The following DMAP1 variants were observed in gnomAD, a reference collection of about 807,000 sequenced individuals.
DMAP1 encodes the protein DNA methyltransferase 1-associated protein 1.
DMAP1 carries 26 observed loss-of-function variants against 52.7 expected under a neutral mutation model. The ratio of observed to expected loss-of-function variants is 0.49; its 90% CI spans 0.36 to 0.68. The LOEUF (loss-of-function observed/expected upper bound fraction) is 0.68, where lower values mean the gene tolerates loss of function less well. Ranked by LOEUF, DMAP1 falls within the 30% of genes least tolerant of loss-of-function variation. The pLI is 0.00. For synonymous variants in DMAP1, 231 were observed against 246.0 expected (o/e 0.94, Z 0.57); for missense variants, 439 against 625.2 (o/e 0.70, Z 3.18).
At chr1:44,215,263 G>A (rs1231474809) in intron 3 of DMAP1, 55 of 470,042 alleles carry the variant, frequency 1.2e-4, no homozygotes, top group East Asian at 6.5e-5. Context: ...TGCTTCCTTC[G>A]CATCCAGTCA....
In DMAP1 at chr1:44,218,626, C is replaced by A; in HGVS notation, c.591C>A (p.His197Gln). Residue 197 changes from histidine (H) to glutamine (Q), a missense_variant, in exon 5 of 10, where the codon CAC becomes CAA. By Grantham distance (24) the His-to-Gln change is conservative (BLOSUM62 0). Transcript: ENST00000372289. This position sits in a 1 kb window ranked among gnomAD's most constrained non-coding sequence, Gnocchi z 5.6. Reference protein sequence around the residue: ...SVEDLKERYYHICAKLANVRA... With the variant: ...SVEDLKERYYQICAKLANVRA... ...AAGACCTGAAGGAGCGGTACTACCA[C>A]ATCTGTGCTAAGCTTGCCAACGTGC... 6.2e-7 allele frequency: 1 copy of A among 1,613,534 alleles called. No homozygotes were observed. Among genetic ancestry groups the A allele is most frequent in the Non-Finnish European group, 8.5e-7 (1 of 1,179,502 alleles).
In DMAP1 at chr1:44,213,970, AAGGGGTGACATAAC is replaced by A; in HGVS notation, c.105+116_105+129del. On this transcript the variant is annotated intron_variant, in intron 1 of 9. Transcript: ENST00000372289. The surrounding 1 kb of genome is among the most constrained non-coding windows in gnomAD (Gnocchi z 4.5). ...ACACTTACAGTGAGTTGGGCGATAA[AAGGGGTGACATAAC>A]AGGACAGGGAATATGTGTCATCCTT... The A allele has an allele frequency of 1.2e-5, 11 of 946,072 alleles. No homozygotes were observed. Among genetic ancestry groups the A allele is most frequent in the Non-Finnish European group, 1.6e-5 (10 of 614,792 alleles). The allele number at this position is 946,072 out of a possible 1,614,324, so 58.6% of individuals were successfully genotyped here. A position where few individuals can be genotyped will look rare whatever the true frequency, so the allele number is the denominator to read the frequency against.
chr1:44,219,486 G>C lies in DMAP1; in HGVS notation c.978+9G>C. ...CGCTGCGGAGCCAACGGGTACGTGA[G>C]TCACCTCCTTTAGCAAGTTTGGGTC... is the stretch of plus-strand genomic sequence containing the variant. On this transcript the variant is annotated intron_variant, in intron 7 of 9. Coordinates refer to ENST00000372289, the MANE Select transcript of DMAP1 (RefSeq NM_019100.5). 6.4e-7 allele frequency: 1 copy of C among 1,565,132 alleles called. No individual in the cohort carries two copies. Among genetic ancestry groups the C allele is most frequent in the Non-Finnish European group, 8.6e-7 (1 of 1,161,250 alleles).
chr1:44,217,136 A>G (rs1022630242), intron 3 of DMAP1: 4 of 152,260 alleles, frequency 2.6e-5, no homozygotes, highest in Non-Finnish European at 4.4e-5. Flanking sequence ...ATGTTTCTTC[A>G]TATTAGATTC....
In DMAP1 at chr1:44,218,664, G is replaced by C; in HGVS notation, c.629G>C (p.Gly210Ala). ...CTTGCCAACGTGCGGGCTGTGCCAGGCACAGACCTTAAGATACCAGTATTT... is the reference window on the plus strand; with the variant it reads ...CTTGCCAACGTGCGGGCTGTGCCAGCCACAGACCTTAAGATACCAGTATTT... ...AKLANVRAVP[G>A]TDLKIPVFDA... is the part of the protein sequence containing the mutation. The change falls in exon 5 of 10, where the codon GGC (glycine) becomes GCC (alanine). Residue 210 changes from glycine to alanine, a missense_variant. By Grantham distance (60) the Gly-to-Ala change is moderately conservative (BLOSUM62 0). This residue lies in a region of DMAP1 where 142 missense variants were observed against 149.5 expected (regional missense o/e 0.95). Transcript: ENST00000372289. The surrounding 1 kb of genome is among the most constrained non-coding windows in gnomAD (Gnocchi z 5.6). The C allele has an allele frequency of 7.4e-6, 12 of 1,614,014 alleles. No homozygotes were observed. Among genetic ancestry groups the C allele is most frequent in the Non-Finnish European group, 9.3e-6 (11 of 1,179,930 alleles).
chr1:44,219,738 C>A, intron 7 of DMAP1, 68 bp from the exon 8 acceptor site: 2 of 1,568,826 alleles, frequency 1.3e-6, no homozygotes, highest in Admixed American at 3.5e-5. Flanking sequence ...TTTCCCTCTG[C>A]CTTTTGTCCC....
intron 2 of DMAP1, 82 bp downstream of exon 2, chr1:44,214,523 A>T: frequency 6.2e-7 from 1 of 1,613,016 alleles, no homozygotes; most frequent in Non-Finnish European, 8.5e-7. Flanking sequence ...TTCTCTAACA[A>T]TTTTCTCCTC....
chr1:44,219,388 T>A lies in DMAP1; in HGVS notation c.907-18T>A, dbSNP rs760879614. On this transcript the variant is annotated intron_variant, in intron 6 of 9. Transcript: ENST00000372289. ...TCTCCCTGTGACACCTTGGTCTCCATAATGCCTTCTCCCCCAGGCTGTTCC... is the reference window on the plus strand; with the variant it reads ...TCTCCCTGTGACACCTTGGTCTCCAAAATGCCTTCTCCCCCAGGCTGTTCC... 9 of 1,568,412 alleles carry A rather than the reference T, an allele frequency of 5.7e-6. No homozygotes were observed. Among genetic ancestry groups the A allele is most frequent in the Non-Finnish European group, 7.7e-6 (9 of 1,161,876 alleles).
intron 3 of DMAP1, chr1:44,217,022 AGT>A (rs890188253): frequency 3.9e-5 from 6 of 152,242 alleles, no homozygotes; most frequent in Admixed American, 3.9e-4. Flanking sequence ...ACACTAGGAC[AGT>A]GTGTCTCAAA....
At position 44,219,825 on chromosome 1, in the gene DMAP1, T is replaced by C. The variant is rs2154314445; in HGVS notation, c.998T>C (p.Val333Ala). The change falls in exon 8 of 10, where the codon GTG (valine) becomes GCG (alanine). Residue 333 changes from valine to alanine, a missense_variant. Transcript: ENST00000372289. ...RSQRMKLPSS[V>A]GQKKIKALEQ... The stretch of plus-strand genomic sequence containing the variant: ...TTGCAGATGAAGCTGCCAAGCTCTG[T>C]GGGACAGAAGAAGATCAAGGCCCTG... 6.2e-7 allele frequency: 1 copy of C among 1,614,152 alleles called. No individual in the cohort carries two copies.
rs753373766 is a variant in DMAP1, at chr1:44,220,087, C to T, written c.1122C>T (p.Leu374=). Residue 374 remains leucine (L), a synonymous_variant, in exon 9 of 10, where the codon CTC becomes CTT. Coordinates refer to ENST00000372289, the MANE Select transcript of DMAP1 (RefSeq NM_019100.5). The part of the protein sequence containing the change: ...FNELRSDLVL[L]YELKQACANC... ...AGCTGCGAAGCGACCTGGTGCTGCT[C>T]TACGAGCTCAAGCAGGCCTGTGCCA... 3.1e-6 allele frequency: 5 copies of T among 1,610,932 alleles called. No homozygotes were observed. The highest frequency in any genetic ancestry group is 1.1e-5 in the South Asian group (1 of 90,796).
At chr1:44,215,279 T>C in intron 3 of DMAP1, 1 of 462,228 alleles carries the variant, frequency 2.2e-6, no homozygotes, top group Admixed American at 2.4e-5. Flanking sequence ...AGTCATTTAC[T>C]AATATCTCTT....
At chr1:44,219,285 T>A (rs1408957214) in intron 6 of DMAP1, 44 bp downstream of exon 6, 2 of 1,595,002 alleles carry the variant, frequency 1.3e-6, no homozygotes, top group South Asian at 2.3e-5. Flanking sequence ...AAGGGTCACC[T>A]GGCACAAGGC....
chr1:44,215,441 T>C (rs1291169), intron 3 of DMAP1: 125,339 of 426,106 alleles, frequency 0.29, 19,458 homozygotes, highest in African/African-American at 0.44. Flanking sequence ...GGATCGTCCT[T>C]GACTTAGTCT....
chr1:44,220,330 G>C (rs761417411), intron 9 of DMAP1, 21 bp downstream of exon 9: 49 of 1,534,708 alleles, frequency 3.2e-5, no homozygotes, highest in Non-Finnish European at 3.9e-5. Context: ...GGACAGGCTG[G>C]GAGGCACGCC....
In DMAP1 at chr1:44,220,079, G is replaced by T; in HGVS notation, c.1114G>T (p.Val372Leu). The change falls in exon 9 of 10, where the codon GTG becomes TTG. Residue 372 changes from valine to leucine, a missense_variant. Coordinates refer to ENST00000372289, the MANE Select transcript of DMAP1 (RefSeq NM_019100.5). ...HMFNELRSDLVLLYELKQACA... is the reference protein window; with the variant it reads ...HMFNELRSDLLLLYELKQACA... ...GTTCAATGAGCTGCGAAGCGACCTGGTGCTGCTCTACGAGCTCAAGCAGGC... is the reference window on the plus strand; with the variant it reads ...GTTCAATGAGCTGCGAAGCGACCTGTTGCTGCTCTACGAGCTCAAGCAGGC... 6.2e-7 allele frequency: 1 copy of T among 1,609,924 alleles called. No homozygotes were observed. Among genetic ancestry groups the T allele is most frequent in the Non-Finnish European group, 8.5e-7 (1 of 1,177,164 alleles).
At position 44,213,903 on chromosome 1, in the gene DMAP1, G is replaced by A; in HGVS notation, c.105+45G>A. ...GCGTTGACTAGGGGAGGGTAGGGGA[G>A]TGAAGATGGGGAGGAGTGACAACGG... On this transcript the variant is annotated intron_variant, in intron 1 of 9. Coordinates refer to ENST00000372289, the MANE Select transcript of DMAP1 (RefSeq NM_019100.5). The surrounding 1 kb of genome is among the most constrained non-coding windows in gnomAD (Gnocchi z 4.5). The A allele has an allele frequency of 6.5e-7, 1 of 1,533,340 alleles. No individual in the cohort carries two copies. The highest frequency in any genetic ancestry group is 8.8e-7 in the Non-Finnish European group (1 of 1,130,020). The allele number at this position is 1,533,340 out of a possible 1,614,324, so 95.0% of individuals were successfully genotyped here. A position where few individuals can be genotyped will look rare whatever the true frequency, so the allele number is the denominator to read the frequency against.
chr1:44,213,740 A>G lies in DMAP1; in HGVS notation c.-14A>G. The G allele has an allele frequency of 6.4e-7, 1 of 1,565,664 alleles. No homozygotes were observed. Among genetic ancestry groups the G allele is most frequent in the Non-Finnish European group, 8.7e-7 (1 of 1,155,612 alleles). Reference sequence around the variant, plus strand: ...ACCCTTGACCTCCGGTGGCTCCCCCATCTCTCAGGCGCGATGGCTACGGGC... The same window carrying G: ...ACCCTTGACCTCCGGTGGCTCCCCCGTCTCTCAGGCGCGATGGCTACGGGC... On this transcript the variant is annotated 5_prime_UTR_variant, in exon 1 of 10. Transcript: ENST00000372289. This position sits in a 1 kb window ranked among gnomAD's most constrained non-coding sequence, Gnocchi z 4.5.
At chr1:44,215,404 C>T (rs1390459215) in intron 3 of DMAP1, 1 of 447,108 alleles carries the variant, frequency 2.2e-6, no homozygotes, top group Admixed American at 2.4e-5. Flanking sequence ...CTATCTTCCA[C>T]CCAGTTGCCC....
Sources: allele counts gnomAD v4.1 joint callset, GRCh38; gene constraint gnomAD v4.1.1; regional missense constraint gnomAD v4.1.1; non-coding constraint Gnocchi (gnomAD v3.1); transcripts MANE v1.5; gene names NCBI Gene and HGNC (gene_info 2026-07-23, HGNC 2026-07-21).